The following RORB variants were observed in gnomAD, a reference collection of about 807,000 sequenced individuals.
The protein encoded by RORB is RAR related orphan receptor B.
In RORB, 6 loss-of-function variants were observed where a neutral mutation model predicts 59.1. The observed-to-expected ratio is 0.10, with a 90% CI of 0.06 to 0.20. The LOEUF (loss-of-function observed/expected upper bound fraction) is 0.20. Ranked by LOEUF, RORB falls within the 10% of genes least tolerant of loss-of-function variation. RORB has a pLI of 1.00. For synonymous variants in RORB, 215 were observed against 204.5 expected (o/e 1.05, Z -0.44); for missense variants, 320 against 560.5 (o/e 0.57, Z 4.33).
chr9:74,600,386 A>T (rs1297279263), intron 1 of RORB, among the ~76,000 whole-genome samples: 1 of 152,224 alleles, frequency 6.6e-6, no homozygotes, highest in East Asian at 1.9e-4. Context: ...GGTGAAGGTC[A>T]TGTTCAAAGT....
Position 74,497,891 on chromosome 9 carries a change from C to G in RORB, c.-86C>G. On this transcript the variant is annotated 5_prime_UTR_variant, in exon 1 of 10. Transcript: ENST00000376896. ...AGCTCTTCGCCGACCACCTTCTTCA[C>G]TCGTGCTGAGCGGGATTTTTGGGCT... 6.5e-7 allele frequency: 1 copy of G among 1,534,022 alleles called. No individual in the cohort carries two copies. The highest frequency in any genetic ancestry group is 8.9e-7 in the Non-Finnish European group (1 of 1,120,428).
chr9:74,660,151 T>C (rs1261782711), intron 4 of RORB, among the ~76,000 whole-genome samples: 2 of 152,128 alleles, frequency 1.3e-5, no homozygotes. Context: ...GCCTTTCTTT[T>C]AGTTTATTGT....
chr9:74,574,047 C>G (rs763994691), intron 1 of RORB, among the ~76,000 whole-genome samples: 3 of 152,136 alleles, frequency 2.0e-5, no homozygotes, highest in Non-Finnish European at 2.9e-5. Flanking sequence ...ATTATGATGC[C>G]TGCATCAACC....
In RORB at chr9:74,498,019, C is replaced by G. The variant is rs1825737907; in HGVS notation, c.7+36C>G. On this transcript the variant is annotated intron_variant, in intron 1 of 9. Coordinates refer to ENST00000376896, the MANE Select transcript of RORB (RefSeq NM_006914.4). ...CTGCGGGCACCGAGGCTCCCCGAGTCCGGCCAACTCCAGCCAGACGGGGAG... is the reference window on the plus strand; with the variant it reads ...CTGCGGGCACCGAGGCTCCCCGAGTGCGGCCAACTCCAGCCAGACGGGGAG... The G allele has an allele frequency of 1.9e-6, 3 of 1,604,402 alleles. No homozygotes were observed. In the African/African-American group the frequency reaches 4.0e-5, roughly 21 times the overall value.
chr9:74,509,409 A>AT (rs1587332491), intron 1 of RORB, among the ~76,000 whole-genome samples: 1 of 151,942 alleles, frequency 6.6e-6, no homozygotes, highest in East Asian at 1.9e-4. Context: ...AAAATTGCAT[A>AT]TTTATGGATT....
intron 2 of RORB, among the ~76,000 whole-genome samples, chr9:74,634,090 A>G (rs943315326): frequency 1.6e-4 from 24 of 151,616 alleles, no homozygotes; most frequent in African/African-American, 5.8e-4. Flanking sequence ...AAAAAAAAAA[A>G]AAGACACTTT....
At chr9:74,681,450 C>G (rs539334108) in intron 9 of RORB, among the ~76,000 whole-genome samples, 16 of 152,308 alleles carry the variant, frequency 1.1e-4, no homozygotes, top group African/African-American at 3.8e-4. Flanking sequence ...TTGCAGTCAG[C>G]CTATTCCAAG....
At chr9:74,567,121 G>A (rs764126825) in intron 1 of RORB, among the ~76,000 whole-genome samples, 2 of 151,470 alleles carry the variant, frequency 1.3e-5, no homozygotes, top group East Asian at 2.0e-4. Context: ...TCTGCCTCCC[G>A]GGTTCAAGGG....
chr9:74,642,495 A>AACAGCG lies in RORB; in HGVS notation c.318_323dup (p.Arg108_Gln109dup). On this transcript the variant is annotated inframe_insertion, in exon 4 of 10. Transcript: ENST00000376896. ...CAGAAGCACCAGCAGCGGCTGCAGG[A>AACAGCG]ACAGCGGCAGCAGCAGAGTGGGGAG... 1 of 1,614,204 alleles carries AACAGCG rather than the reference A, an allele frequency of 6.2e-7. No homozygotes were observed. The highest frequency in any genetic ancestry group is 1.3e-5 in the African/African-American group (1 of 75,056).
At chr9:74,512,349 A>G (rs555357497) in intron 1 of RORB, among the ~76,000 whole-genome samples, 1 of 152,358 alleles carries the variant, frequency 6.6e-6, no homozygotes, top group East Asian at 1.9e-4. Context: ...AATGCTTTAA[A>G]TATTCCTACA....
intron 1 of RORB, among the ~76,000 whole-genome samples, chr9:74,625,338 G>A (rs1188678885): frequency 6.6e-6 from 1 of 152,118 alleles, no homozygotes; most frequent in Non-Finnish European, 1.5e-5. Context: ...ATCAGACCCA[G>A]CATGGTGGCT....
intron 4 of RORB, among the ~76,000 whole-genome samples, chr9:74,652,466 T>G (rs1252140741): frequency 6.6e-6 from 1 of 152,240 alleles, no homozygotes; most frequent in African/African-American, 2.4e-5. Context: ...TGTTAATCAC[T>G]TTATTAATCT....
intron 1 of RORB, among the ~76,000 whole-genome samples, chr9:74,499,943 G>T (rs1242917829): frequency 1.3e-5 from 2 of 152,164 alleles, no homozygotes; most frequent in Admixed American, 1.3e-4. Context: ...GCGGCGCGGG[G>T]TGGGGATGGG....
At chr9:74,523,809 T>G (rs1428908819) in intron 1 of RORB, among the ~76,000 whole-genome samples, 1 of 151,892 alleles carries the variant, frequency 6.6e-6, no homozygotes, top group Non-Finnish European at 1.5e-5. Flanking sequence ...TCTTCCTTCT[T>G]GAATTAATAT....
chr9:74,627,867 T>A (rs1823546432), intron 1 of RORB, among the ~76,000 whole-genome samples: 1 of 152,088 alleles, frequency 6.6e-6, no homozygotes, highest in South Asian at 2.1e-4. Flanking sequence ...GAAAAGATCT[T>A]TGATAAAGGA....
intron 1 of RORB, among the ~76,000 whole-genome samples, chr9:74,617,583 G>T (rs1823334082): frequency 6.6e-6 from 1 of 152,182 alleles, no homozygotes; most frequent in African/African-American, 2.4e-5. Context: ...TAGAGAAAGT[G>T]TGCAGTATCA....
At position 74,662,585 on chromosome 9, in the gene RORB, C is replaced by A; in HGVS notation, c.871C>A (p.Gln291Lys). ...TGFMELCQNDQILLLKSGCLE... is the reference protein window; with the variant it reads ...TGFMELCQNDKILLLKSGCLE... ...CTTCATGGAGCTCTGTCAAAATGAT[C>A]AAATTCTACTTCTGAAGTCAGGTAA... The change falls in exon 6 of 10, where the codon CAA becomes AAA. Residue 291 changes from glutamine to lysine, a missense_variant. Physicochemically the swap from Gln to Lys is moderately conservative, Grantham distance 53. Transcript: ENST00000376896. 1 of 1,613,898 alleles carries A rather than the reference C, an allele frequency of 6.2e-7. No homozygotes were observed. The highest frequency in any genetic ancestry group is 8.5e-7 in the Non-Finnish European group (1 of 1,179,984).
intron 1 of RORB, among the ~76,000 whole-genome samples, chr9:74,600,629 T>G (rs1292034010): frequency 6.6e-6 from 1 of 152,188 alleles, no homozygotes; most frequent in African/African-American, 2.4e-5. Flanking sequence ...CTAGATTTGG[T>G]ATAGTTTTCT....
intron 1 of RORB, among the ~76,000 whole-genome samples, chr9:74,553,848 C>T (rs182088540): frequency 6.6e-6 from 1 of 152,114 alleles, no homozygotes; most frequent in Non-Finnish European, 1.5e-5. Context: ...GTTTTCTTGA[C>T]CCAGGCGTAA....
Sources: gnomAD v4.1 joint callset for allele counts (sites outside exome capture counted in the v4.1 genomes callset) on GRCh38, gnomAD v4.1.1 for gene constraint, MANE v1.5 for transcripts, NCBI Gene and HGNC (gene_info 2026-07-23, HGNC 2026-07-21) for gene names.